Variants in RBCK1 observed in about 807,000 individuals in gnomAD.
The protein encoded by RBCK1 is RANBP2-type and C3HC4-type zinc finger containing 1.
A neutral mutation model predicts 71.1 loss-of-function variants in RBCK1; 44 were observed. That is an observed-to-expected ratio of 0.62 (90% confidence interval 0.49 to 0.80). RBCK1 has a LOEUF of 0.80. Ranked by LOEUF, RBCK1 falls within the 30% of genes least tolerant of loss-of-function variation. The probability of loss-of-function intolerance (pLI) is 0.00; values close to 1 mark genes in which losing one functional copy is unlikely to be tolerated. For missense variants in RBCK1, 569 were observed against 685.0 expected (o/e 0.83, Z 1.89); for synonymous variants, 306 against 279.7 (o/e 1.09, Z -0.94).
intron 8 of RBCK1, among the ~76,000 whole-genome samples, chr20:425,626 CT>C (rs66583727): frequency 0.45 from 54,922 of 122,524 alleles, 9,365 homozygotes; most frequent in Middle Eastern, 0.55. Context: ...ATGGTGTATT[CT>C]TTTTTTTTTT....
intron 6 of RBCK1, 198 bp downstream of exon 6, chr20:419,929 G>A: frequency 1.4e-6 from 2 of 1,423,564 alleles, no homozygotes; most frequent in Non-Finnish European, 1.8e-6. Flanking sequence ...TCACCCTGTG[G>A]CTGAGACCCG....
chr20:418,823 T>C (rs2016183884), intron 4 of RBCK1, among the ~76,000 whole-genome samples: 1 of 152,218 alleles, frequency 6.6e-6, no homozygotes, highest in South Asian at 2.1e-4. Flanking sequence ...TTACTGGGTA[T>C]AACAATCCAA....
Position 417,627 on chromosome 20 carries a change from A to C in RBCK1, c.261+8A>C, listed in dbSNP as rs1433123780. On this transcript the variant is annotated splice_region_variant and intron_variant, in intron 3 of 11. Coordinates refer to ENST00000356286, the MANE Select transcript of RBCK1 (RefSeq NM_031229.4). The surrounding 1 kb of genome is among the most constrained non-coding windows in gnomAD (Gnocchi z 4.7). ...GCGTCTCTCAAGGACATGGTGAGTGAGGAGGCGGAGGGCGACACTGGGGTG... is the reference window on the plus strand; with the variant it reads ...GCGTCTCTCAAGGACATGGTGAGTGCGGAGGCGGAGGGCGACACTGGGGTG... 1 of 1,612,412 alleles carries C rather than the reference A, an allele frequency of 6.2e-7. No individual in the cohort carries two copies. Among genetic ancestry groups the C allele is most frequent in the South Asian group, 1.1e-5 (1 of 91,066 alleles).
chr20:428,450 C>G lies in RBCK1; in HGVS notation c.1210-41C>G. On this transcript the variant is annotated intron_variant, in intron 9 of 11. Coordinates refer to ENST00000356286, the MANE Select transcript of RBCK1 (RefSeq NM_031229.4). The surrounding 1 kb of genome is among the most constrained non-coding windows in gnomAD (Gnocchi z 5.7). Reference sequence around the variant, plus strand: ...CTCACCTCTCCCAGCTTCTTAACCCCCTGAGGAACCTTCTTACCTTGAGTC... The same window carrying G: ...CTCACCTCTCCCAGCTTCTTAACCCGCTGAGGAACCTTCTTACCTTGAGTC... The G allele has an allele frequency of 6.8e-7, 1 of 1,475,590 alleles. No individual in the cohort carries two copies. Among genetic ancestry groups the G allele is most frequent in the South Asian group, 1.3e-5 (1 of 78,588 alleles). 91.4% of individuals were successfully genotyped at this position (1,475,590 alleles called of 1,614,324 possible). A position where few individuals can be genotyped will look rare whatever the true frequency, so the allele number is the denominator to read the frequency against.
rs568959526 is a variant in RBCK1, at chr20:418,608, TC to T, written c.460+680del. 1.9e-3 allele frequency among the ~76,000 whole-genome samples: 290 copies of T among 152,256 alleles called. 1 individual carries two copies. The highest frequency in any genetic ancestry group is 3.6e-3 in the Non-Finnish European group (243 of 67,972). The stretch of plus-strand genomic sequence containing the variant: ...TGGTCTCGATCTCCTGACTTTGTGA[TC>T]CGCCCGCCTCGGCCTCCCAAAGTGC... On this transcript the variant is annotated intron_variant, in intron 4 of 11. Transcript: ENST00000356286.
intron 11 of RBCK1, 52 bp downstream of exon 11, chr20:429,146 T>C (rs1320956656): frequency 6.4e-7 from 1 of 1,560,564 alleles, no homozygotes; most frequent in Non-Finnish European, 8.7e-7. Flanking sequence ...GGGCTTTGCC[T>C]TAGAGGAGGG....
chr20:410,242 G>A (rs951294441), intron 2 of RBCK1, among the ~76,000 whole-genome samples: 2 of 152,196 alleles, frequency 1.3e-5, no homozygotes, highest in Non-Finnish European at 2.9e-5. Flanking sequence ...TATCTCATAG[G>A]GTTGTTAGGA....
At position 424,303 on chromosome 20, in the gene RBCK1, A is replaced by T. The variant is rs11905546; in HGVS notation, c.1029+2065A>T. 4.0e-3 allele frequency among the ~76,000 whole-genome samples: 615 copies of T among 152,212 alleles called. 7 individuals carry two copies. The highest frequency in any genetic ancestry group is 0.014 in the African/African-American group (580 of 41,518). Reference sequence around the variant, plus strand: ...AAAAGTGGACAGTTGGGCTTGATTCATGGTTTTCAAACTGCTGGGAAATGA... The same window carrying T: ...AAAAGTGGACAGTTGGGCTTGATTCTTGGTTTTCAAACTGCTGGGAAATGA... On this transcript the variant is annotated intron_variant, in intron 8 of 11. Transcript: ENST00000356286.
At chr20:410,469 G>A in intron 2 of RBCK1, 1 of 779,744 alleles carries the variant, frequency 1.3e-6, no homozygotes, top group East Asian at 2.4e-5. Flanking sequence ...ATCACAGGAG[G>A]AAGGGAAGAA....
intron 2 of RBCK1, among the ~76,000 whole-genome samples, chr20:413,190 T>C (rs972056130): frequency 6.6e-6 from 1 of 152,234 alleles, no homozygotes; most frequent in Non-Finnish European, 1.5e-5. Context: ...TATAGCTTCA[T>C]AGTATTTGAA....
chr20:430,894 C>T lies in RBCK1; in HGVS notation c.*464C>T, dbSNP rs1056411413. 5 of 164,138 alleles carry T rather than the reference C, an allele frequency of 3.0e-5. No individual in the cohort carries two copies. Among genetic ancestry groups the T allele is most frequent in the African/African-American group, 9.6e-5 (4 of 41,672 alleles). The allele number at this position is 164,138 out of a possible 1,614,324, so 10.2% of individuals were successfully genotyped here. ...ACTGCACAGTTTTGAAAGCACAGCC[C>T]GTCAGGTCCGGCTCTGCGTCTCCCT... On this transcript the variant is annotated 3_prime_UTR_variant, in exon 12 of 12. Transcript: ENST00000356286. This position sits in a 1 kb window ranked among gnomAD's most constrained non-coding sequence, Gnocchi z 5.6.
chr20:417,639 G>GCGACACTGGGGT lies in RBCK1; in HGVS notation c.261+21_261+32dup. 6.2e-7 allele frequency: 1 copy of GCGACACTGGGGT among 1,611,114 alleles called. No homozygotes were observed. Among genetic ancestry groups the GCGACACTGGGGT allele is most frequent in the Non-Finnish European group, 8.5e-7 (1 of 1,177,584 alleles). ...GACATGGTGAGTGAGGAGGCGGAGGGCGACACTGGGGTGAAGGCTCTCCCT... is the reference window on the plus strand; with the variant it reads ...GACATGGTGAGTGAGGAGGCGGAGGGCGACACTGGGGTCGACACTGGGGTGAAGGCTCTCCCT... On this transcript the variant is annotated intron_variant, in intron 3 of 11. Coordinates refer to ENST00000356286, the MANE Select transcript of RBCK1 (RefSeq NM_031229.4). This position sits in a 1 kb window ranked among gnomAD's most constrained non-coding sequence, Gnocchi z 4.7.
rs1215846544 is a variant in RBCK1 at position 430,081 on chromosome 20, A to C, written c.1453-269A>C. 6.6e-6 allele frequency among the ~76,000 whole-genome samples: 1 copy of C among 152,218 alleles called. No individual in the cohort carries two copies. The highest frequency in any genetic ancestry group is 1.5e-5 in the Non-Finnish European group (1 of 68,036). ...ACTTTCAGACAGGTGGAGGCAGAGG[A>C]AACTGCCCTCTCGCATGCTGACATG... On this transcript the variant is annotated intron_variant, in intron 11 of 11. Transcript: ENST00000356286. This position sits in a 1 kb window ranked among gnomAD's most constrained non-coding sequence, Gnocchi z 5.6.
chr20:420,280 C>T, intron 6 of RBCK1: 12 of 985,026 alleles, frequency 1.2e-5, no homozygotes, highest in African/African-American at 1.7e-5. Flanking sequence ...TACGCCTTAG[C>T]CCTACCCCGC....
At chr20:426,087 G>A in intron 8 of RBCK1, among the ~76,000 whole-genome samples, 1 of 151,928 alleles carries the variant, frequency 6.6e-6, no homozygotes, top group East Asian at 1.9e-4. Context: ...TTATTTTTGC[G>A]GGTACATAGT....
At chr20:409,480 CTTG>C (rs1048134918) in intron 1 of RBCK1, among the ~76,000 whole-genome samples, 1 of 143,894 alleles carries the variant, frequency 6.9e-6, no homozygotes, top group Non-Finnish European at 1.5e-5. Flanking sequence ...TTTTTTTTTT[CTTG>C]TTAAACTTGT....
chr20:408,886 G>GC (rs1243500077), intron 1 of RBCK1, 107 bp downstream of exon 1: 8 of 1,305,520 alleles, frequency 6.1e-6, no homozygotes, highest in Non-Finnish European at 7.4e-6. Flanking sequence ...GCTTTAGCCT[G>GC]CCCTCCCTCT....
Position 408,677 on chromosome 20 carries a change from C to T in RBCK1, c.-81C>T, listed in dbSNP as rs1168188829. The T allele has an allele frequency of 1.1e-5, 17 of 1,573,886 alleles. 1 individual carries two copies. The highest frequency in any genetic ancestry group is 4.0e-5 in the African/African-American group (3 of 74,432). ...GGCCTGGCTGAGTTGCTCCTGGTCT[C>T]CCGCCTCTCCCAGGCGACCCGGAGG... is the stretch of plus-strand genomic sequence containing the variant. On this transcript the variant is annotated 5_prime_UTR_variant, in exon 1 of 12. Transcript: ENST00000356286.
In RBCK1 at chr20:428,577, A is replaced by C; in HGVS notation, c.1296A>C (p.Thr432=). Residue 432 remains threonine, a synonymous_variant, in exon 10 of 12, where the codon ACA becomes ACC. Coordinates refer to ENST00000356286, the MANE Select transcript of RBCK1 (RefSeq NM_031229.4). This position sits in a 1 kb window ranked among gnomAD's most constrained non-coding sequence, Gnocchi z 5.7. ...ACGATGTGGCTGCCCGGCAGACGAC[A>C]GAGATGCTGAAGGTGAGGCTGGGAC... ...AQNDVAARQT[T]EMLKVMLQQG... The C allele has an allele frequency of 6.2e-7, 1 of 1,611,016 alleles. No homozygotes were observed. Among genetic ancestry groups the C allele is most frequent in the Non-Finnish European group, 8.5e-7 (1 of 1,178,804 alleles).
Sources: allele counts gnomAD v4.1 joint callset (sites outside exome capture counted in the v4.1 genomes callset), GRCh38; gene constraint gnomAD v4.1.1; non-coding constraint Gnocchi (gnomAD v3.1); transcripts MANE v1.5; gene names NCBI Gene and HGNC (gene_info 2026-07-23, HGNC 2026-07-21).